Variants in RUVBL1 observed in about 807,000 individuals in gnomAD.
RUVBL1 encodes ruvB-like 1.
RUVBL1 carries 4 observed loss-of-function variants against 52.4 expected under a neutral mutation model. The ratio of observed to expected loss-of-function variants is 0.08; its 90% confidence interval spans 0.04 to 0.17. The LOEUF (loss-of-function observed/expected upper bound fraction) is 0.17. Among genes scored for constraint, RUVBL1 ranks in the 10% least tolerant of loss-of-function variants. The pLI is 1.00. For synonymous variants in RUVBL1, 217 were observed against 214.4 expected (o/e 1.01, Z -0.10); for missense variants, 298 against 572.8 (o/e 0.52, Z 4.90).
At chr3:128,104,623 T>C (rs1357824657) in intron 4 of RUVBL1, 150 bp downstream of exon 4, 3 of 614,822 alleles carry the variant, frequency 4.9e-6, no homozygotes, top group Non-Finnish European at 8.2e-6. Flanking sequence ...TACCGCTTTA[T>C]ACACACAATA....
intron 1 of RUVBL1, 59 bp downstream of exon 1, chr3:128,123,525 G>A (rs1943709009): frequency 2.7e-6 from 4 of 1,479,290 alleles, no homozygotes; most frequent in Middle Eastern, 2.5e-4. Context: ...GACTTCAGCA[G>A]CTCTCTCGCC....
chr3:128,076,403 G>A (rs1165528487), downstream of RUVBL1, among the ~76,000 whole-genome samples: 1 of 152,208 alleles, frequency 6.6e-6, no homozygotes, highest in African/African-American at 2.4e-5. The surrounding 1 kb of genome is among the most constrained non-coding windows in gnomAD (Gnocchi z 6.8). Context: ...GCATGGAGAG[G>A]CGGGGCCGGC....
chr3:128,088,259 T>TC (rs1942712995), intron 8 of RUVBL1, among the ~76,000 whole-genome samples: 1 of 146,214 alleles, frequency 6.8e-6, no homozygotes, highest in African/African-American at 2.5e-5. Context: ...GAGACTCTGT[T>TC]CCAAAAAGAA....
intron 9 of RUVBL1, among the ~76,000 whole-genome samples, chr3:128,072,643 G>A (rs115288130): frequency 3.3e-5 from 5 of 152,330 alleles, no homozygotes; most frequent in East Asian, 1.9e-4. Context: ...AGCACAGCAC[G>A]TGGCCTCAGG....
intron 1 of RUVBL1, among the ~76,000 whole-genome samples, chr3:128,119,818 A>G (rs1178187096): frequency 6.6e-6 from 1 of 152,252 alleles, no homozygotes; most frequent in Non-Finnish European, 1.5e-5. Context: ...TCCAAAGCAG[A>G]AACAAGCTTG....
At chr3:128,119,191 T>A in intron 2 of RUVBL1, 137 bp downstream of exon 2, 1 of 579,846 alleles carries the variant, frequency 1.7e-6, no homozygotes, top group East Asian at 3.0e-5. Context: ...CCCAATTGTA[T>A]TATTGCATAT....
intron 9 of RUVBL1, chr3:128,070,946 G>C (rs1305039320): frequency 1.3e-5 from 2 of 152,304 alleles, no homozygotes; most frequent in Non-Finnish European, 2.9e-5. Context: ...AGGAGCTCGA[G>C]GTTTCGAGCT....
chr3:128,120,714 C>CAA (rs1943624345), intron 1 of RUVBL1, among the ~76,000 whole-genome samples: 7 of 152,134 alleles, frequency 4.6e-5, no homozygotes, highest in Non-Finnish European at 1.0e-4. Flanking sequence ...TGTGAAGTAC[C>CAA]TTGGTCCCAC....
At chr3:128,136,386 CT>C (rs1035227791) in intron 1 of RUVBL1, among the ~76,000 whole-genome samples, 1 of 152,068 alleles carries the variant, frequency 6.6e-6, no homozygotes, top group African/African-American at 2.4e-5. Context: ...AATCCCAGCA[CT>C]TTAGGAAGCC....
upstream of RUVBL1, among the ~76,000 whole-genome samples, chr3:128,124,535 T>C (rs6784159): frequency 0.14 from 21,550 of 152,136 alleles, 1,742 homozygotes; most frequent in African/African-American, 0.21. Flanking sequence ...GCTGAGACAA[T>C]CAGCCAGCAA....
chr3:128,098,105 A>T (rs1321014379), intron 7 of RUVBL1, among the ~76,000 whole-genome samples: 2 of 152,194 alleles, frequency 1.3e-5, no homozygotes, highest in Non-Finnish European at 2.9e-5. Flanking sequence ...TGAGTCTCTC[A>T]AAAGTTACAT....
chr3:128,151,681 G>T (rs1417191982), intron 1 of RUVBL1, among the ~76,000 whole-genome samples: 4 of 152,124 alleles, frequency 2.6e-5, no homozygotes, highest in African/African-American at 4.8e-5. Context: ...CCGCTCTCAT[G>T]ATCTCATCTA....
At position 128,097,410 on chromosome 3, in the gene RUVBL1, A is replaced by G. The variant is rs144708476; in HGVS notation, c.906T>C (p.Asp302=). The change falls in exon 8 of 11, where the codon GAT becomes GAC. Residue 302 remains aspartate, a synonymous_variant. Transcript: ENST00000322623. Reference sequence around the variant, plus strand: ...ACTCAATGTCCAGCATGTGGACCTCATCAACAAACAGCACACCCGGGACCA... The same window carrying G: ...ACTCAATGTCCAGCATGTGGACCTCGTCAACAAACAGCACACCCGGGACCA... ...AELVPGVLFV[D]EVHMLDIECF... 1.9e-6 allele frequency: 3 copies of G among 1,614,030 alleles called. No individual in the cohort carries two copies. The highest frequency in any genetic ancestry group is 2.5e-6 in the Non-Finnish European group (3 of 1,179,994).
intron 2 of RUVBL1, among the ~76,000 whole-genome samples, chr3:128,113,434 T>C (rs1310891490): frequency 6.6e-6 from 1 of 152,180 alleles, no homozygotes; most frequent in Admixed American, 6.5e-5. Context: ...AAAGATCATG[T>C]TATCATAATT....
chr3:128,145,334 G>A (rs1944086622), intron 1 of RUVBL1, among the ~76,000 whole-genome samples: 1 of 152,214 alleles, frequency 6.6e-6, no homozygotes, highest in South Asian at 2.1e-4. Flanking sequence ...GCTGGTGGGA[G>A]CAGGACTGGA....
downstream of RUVBL1, chr3:128,078,924 C>T (rs1266881957): frequency 6.6e-6 from 1 of 152,246 alleles, no homozygotes; most frequent in Non-Finnish European, 1.5e-5. Context: ...GGAGCACAGA[C>T]CAGCGAACTG....
At chr3:128,150,919 T>A (rs1176651533) in intron 1 of RUVBL1, among the ~76,000 whole-genome samples, 2 of 65,872 alleles carry the variant, frequency 3.0e-5, no homozygotes, top group Admixed American at 2.7e-4. Flanking sequence ...TATTCTATAT[T>A]ATATATATAA....
chr3:128,131,348 A>C (rs1208828513), intron 1 of RUVBL1, among the ~76,000 whole-genome samples: 1 of 151,938 alleles, frequency 6.6e-6, no homozygotes, highest in Non-Finnish European at 1.5e-5. Context: ...GTGTGGTGGC[A>C]TGTGCCTGTA....
chr3:128,145,929 T>C (rs1419961879), intron 1 of RUVBL1, among the ~76,000 whole-genome samples: 1 of 152,142 alleles, frequency 6.6e-6, no homozygotes, highest in East Asian at 1.9e-4. Context: ...GCACCACCTA[T>C]ATGCACTGTG....
Sources: gnomAD v4.1 joint callset for allele counts (sites outside exome capture counted in the v4.1 genomes callset) on GRCh38, gnomAD v4.1.1 for gene constraint, Gnocchi (gnomAD v3.1) non-coding constraint, MANE v1.5 for transcripts, NCBI Gene and HGNC (gene_info 2026-07-23, HGNC 2026-07-21) for gene names.